BCL9: variants seen among roughly 807,000 people sequenced by gnomAD.
BCL9 encodes the protein B-cell CLL/lymphoma 9 protein.
A neutral mutation model predicts 88.5 loss-of-function variants in BCL9; 25 were observed. The ratio of observed to expected loss-of-function variants is 0.28; its 90% CI spans 0.21 to 0.39. The LOEUF is 0.39. Among genes scored for constraint, BCL9 ranks in the 10% least tolerant of loss-of-function variants. The probability of loss-of-function intolerance (pLI) is 1.00; values close to 1 mark genes in which losing one functional copy is unlikely to be tolerated. For missense variants in BCL9, 1,817 were observed against 1,877.8 expected (o/e 0.97, Z 0.60); for synonymous variants, 711 against 673.3 (o/e 1.06, Z -0.87).
chr1:147,601,707 C>T (rs1553201313), intron 1 of BCL9, among the ~76,000 whole-genome samples: 1 of 152,056 alleles, frequency 6.6e-6, no homozygotes, highest in Non-Finnish European at 1.5e-5. Flanking sequence ...AATGTGAAGG[C>T]CCTACATAAA....
rs1357272075 is a variant in BCL9, at chr1:147,570,630, C to CTTTTCTTTTTTTTTTTTTTT, written c.-478+28960_-478+28961insCTTTTTTTTTTTTTTTTTTT. 2.0e-4 allele frequency among the ~76,000 whole-genome samples: 3 copies of CTTTTCTTTTTTTTTTTTTTT among 15,184 alleles called. 1 individual carries two copies. The highest frequency in any genetic ancestry group is 2.7e-4 in the African/African-American group (1 of 3,686). The allele number at this position is 15,184 out of a possible 152,430, so 10.0% of individuals were successfully genotyped here. A position where few individuals can be genotyped will look rare whatever the true frequency, so the allele number is the denominator to read the frequency against. ...TAACACAAAATTGTTGACTGATTTT[C>CTTTTCTTTTTTTTTTTTTTT]TTTTTTTTCTTTTTTTTTTTTGTAG... On this transcript the variant is annotated intron_variant, in intron 1 of 9. Coordinates refer to ENST00000234739, the MANE Select transcript of BCL9 (RefSeq NM_004326.4).
Position 147,624,810 on chromosome 1 carries a change from C to T in BCL9, c.4132C>T (p.Pro1378Ser). ...LYTHPGPVGS[P>S]GMMMSMQGMM... ...CACCCACCCTGGGCCTGTGGGCTCTCCAGGCATGATGATGTCCATGCAGGG... is the reference window on the plus strand; with the variant it reads ...CACCCACCCTGGGCCTGTGGGCTCTTCAGGCATGATGATGTCCATGCAGGG... Residue 1378 changes from proline (P) to serine (S), a missense_variant, in exon 10 of 10, where the codon CCA (proline) becomes TCA (serine). Physicochemically the swap from Pro to Ser is moderately conservative, Grantham distance 74 (BLOSUM62 -1). Coordinates refer to ENST00000234739, the MANE Select transcript of BCL9 (RefSeq NM_004326.4). The surrounding 1 kb of genome is among the most constrained non-coding windows in gnomAD (Gnocchi z 4.4). The T allele has an allele frequency of 6.2e-7, 1 of 1,614,094 alleles. No homozygotes were observed. The highest frequency in any genetic ancestry group is 2.2e-5 in the East Asian group (1 of 44,878).
At position 147,615,788 on chromosome 1, in the gene BCL9, C is replaced by A. The variant is rs587761900; in HGVS notation, c.561-15C>A. The A allele has an allele frequency of 5.6e-6, 9 of 1,608,258 alleles. No individual in the cohort carries two copies. Among genetic ancestry groups the A allele is most frequent in the Non-Finnish European group, 7.7e-6 (9 of 1,174,628 alleles). On this transcript the variant is annotated splice_polypyrimidine_tract_variant and intron_variant, in intron 6 of 9. Transcript: ENST00000234739. ...AAACAAGTTCTAGTGTGTGCTGTCT[C>A]TTCCATCTTTGCAGAGCTGCAGAAG...
chr1:147,564,794 A>G (rs1345511561), intron 1 of BCL9, among the ~76,000 whole-genome samples: 2 of 152,192 alleles, frequency 1.3e-5, no homozygotes, highest in Non-Finnish European at 2.9e-5. Flanking sequence ...CTTCTGTTGA[A>G]ACAGTTCTCA....
intron 1 of BCL9, among the ~76,000 whole-genome samples, chr1:147,595,320 C>A: frequency 6.6e-6 from 1 of 152,172 alleles, no homozygotes; most frequent in East Asian, 1.9e-4. Context: ...CCAGTGGGTG[C>A]AACCTGAATG....
intron 3 of BCL9, among the ~76,000 whole-genome samples, chr1:147,611,084 G>A (rs1465419935): frequency 3.3e-5 from 5 of 152,130 alleles, no homozygotes; most frequent in African/African-American, 4.8e-5. Context: ...GGCCCTGAGA[G>A]TGTAAACATA....
Position 147,620,582 on chromosome 1 carries a change from G to C in BCL9, c.2427G>C (p.Arg809Ser), listed in dbSNP as rs1164144086. The C allele has an allele frequency of 6.2e-7, 1 of 1,614,138 alleles. No individual in the cohort carries two copies. Among genetic ancestry groups the C allele is most frequent in the East Asian group, 2.2e-5 (1 of 44,878 alleles). ...GAGAACCAATTGGGCCCGACCAGAG[G>C]ACTAACAGCCGGCTCAGTCATATGC... ...NLREPIGPDQ[R>S]TNSRLSHMPP... The change falls in exon 8 of 10, where the codon AGG becomes AGC. Residue 809 changes from arginine to serine, a missense_variant. By Grantham distance (110) the Arg-to-Ser change is moderately radical. Around this residue, in one of 2 missense-constraint regions of BCL9, gnomAD observed 1,228 missense variants for 1,191.6 expected, o/e 1.03. Coordinates refer to ENST00000234739, the MANE Select transcript of BCL9 (RefSeq NM_004326.4).
chr1:147,618,101 G>A (rs1658381768), intron 7 of BCL9, among the ~76,000 whole-genome samples: 1 of 152,180 alleles, frequency 6.6e-6, no homozygotes, highest in Admixed American at 6.5e-5. Context: ...CCATGAGCTA[G>A]ATAGCCTCAG....
At position 147,619,636 on chromosome 1, in the gene BCL9, A is replaced by C. The variant is rs1658498985; in HGVS notation, c.1481A>C (p.Gln494Pro). ...RRKQEQVVVQ[Q>P]CSLQDMMVHQ... ...AAGCAGGAACAAGTGGTTGTCCAGC[A>C]GTGTTCCCTCCAGGACATGATGGTC... The change falls in exon 8 of 10, where the codon CAG (glutamine) becomes CCG (proline). Residue 494 changes from glutamine (Q) to proline (P), a missense_variant. Physicochemically the swap from Gln to Pro is moderately conservative, Grantham distance 76 (BLOSUM62 -1). Transcript: ENST00000234739. This position sits in a 1 kb window ranked among gnomAD's most constrained non-coding sequence, Gnocchi z 4.1. 6.2e-7 allele frequency: 1 copy of C among 1,614,104 alleles called. No individual in the cohort carries two copies. Among genetic ancestry groups the C allele is most frequent in the Non-Finnish European group, 8.5e-7 (1 of 1,180,018 alleles).
chr1:147,617,261 C>A (rs1658331943), intron 7 of BCL9, among the ~76,000 whole-genome samples: 1 of 152,138 alleles, frequency 6.6e-6, no homozygotes, highest in African/African-American at 2.4e-5. Flanking sequence ...AATACCTACA[C>A]CTACACCTTC....
chr1:147,618,666 C>A, intron 7 of BCL9, 150 bp from the exon 8 acceptor site: 1 of 702,016 alleles, frequency 1.4e-6, no homozygotes, highest in Non-Finnish European at 2.1e-6. Flanking sequence ...GTCTCCATGC[C>A]CAAAAGAGGG....
intron 3 of BCL9, among the ~76,000 whole-genome samples, chr1:147,609,011 T>C (rs1442311087): frequency 6.6e-6 from 1 of 152,232 alleles, no homozygotes; most frequent in Non-Finnish European, 1.5e-5. Context: ...GGGGTTGTTG[T>C]GACTGGGTTA....
At position 147,624,846 on chromosome 1, in the gene BCL9, C is replaced by T. The variant is rs782285509; in HGVS notation, c.4168C>T (p.Pro1390Ser). Residue 1390 changes from proline (P) to serine (S), a missense_variant, in exon 10 of 10, where the codon CCC (proline) becomes TCC (serine). Pro to Ser is a moderately conservative substitution (Grantham distance 74). This residue lies in a region of BCL9 where 589 missense variants were observed against 686.2 expected (regional missense o/e 0.86). Transcript: ENST00000234739. The surrounding 1 kb of genome is among the most constrained non-coding windows in gnomAD (Gnocchi z 4.4). ...MMMSMQGMMG[P>S]QQNIMIPPQM... ...GATGTCCATGCAGGGCATGATGGGA[C>T]CCCAACAGAACATCATGATCCCCCC... 1 of 1,614,084 alleles carries T rather than the reference C, an allele frequency of 6.2e-7. No individual in the cohort carries two copies. Among genetic ancestry groups the T allele is most frequent in the Non-Finnish European group, 8.5e-7 (1 of 1,179,982 alleles).
chr1:147,601,612 T>C (rs868913268), intron 1 of BCL9, among the ~76,000 whole-genome samples: 6 of 152,200 alleles, frequency 3.9e-5, no homozygotes, highest in African/African-American at 1.4e-4. Context: ...TTGTGGAAAT[T>C]GTGCAACATG....
chr1:147,585,621 A>G (rs1553199130), intron 1 of BCL9, among the ~76,000 whole-genome samples: 4 of 152,198 alleles, frequency 2.6e-5, no homozygotes. Flanking sequence ...GTTAGAGGCT[A>G]TATAAGACAA....
chr1:147,596,849 G>A (rs1553200560), intron 1 of BCL9, among the ~76,000 whole-genome samples: 1 of 152,036 alleles, frequency 6.6e-6, no homozygotes, highest in Non-Finnish European at 1.5e-5. Context: ...TAGATGAATC[G>A]GTAATAAATA....
At chr1:147,611,088 A>G (rs909451411) in intron 3 of BCL9, among the ~76,000 whole-genome samples, 1 of 152,122 alleles carries the variant, frequency 6.6e-6, no homozygotes, top group African/African-American at 2.4e-5. Flanking sequence ...CTGAGAGTGT[A>G]AACATAGATT....
At chr1:147,547,404 C>G (rs1305735161) in intron 1 of BCL9, among the ~76,000 whole-genome samples, 1 of 152,108 alleles carries the variant, frequency 6.6e-6, no homozygotes, top group African/African-American at 2.4e-5. Context: ...CACAATGGCT[C>G]TTAATGCAAT....
chr1:147,609,812 G>T (rs1226664380), intron 3 of BCL9, among the ~76,000 whole-genome samples: 1 of 152,194 alleles, frequency 6.6e-6, no homozygotes, highest in Non-Finnish European at 1.5e-5. Flanking sequence ...TACATGCTTA[G>T]TACATCATGC....
Sources: gnomAD v4.1 joint callset for allele counts (sites outside exome capture counted in the v4.1 genomes callset) on GRCh38, gnomAD v4.1.1 for gene constraint, gnomAD v4.1.1 regional missense constraint, Gnocchi (gnomAD v3.1) non-coding constraint, MANE v1.5 for transcripts, NCBI Gene and HGNC (gene_info 2026-07-23, HGNC 2026-07-21) for gene names.